SNX8: variants seen among roughly 807,000 people sequenced by gnomAD.
The protein encoded by SNX8 is sorting nexin-8.
A neutral mutation model predicts 51.6 loss-of-function variants in SNX8; 25 were observed. The ratio of observed to expected loss-of-function variants is 0.48; its 90% CI spans 0.35 to 0.68. The LOEUF (loss-of-function observed/expected upper bound fraction) is 0.68. SNX8 is among the 30% of genes least tolerant of loss of function. The pLI is 0.00. For missense variants in SNX8, 695 were observed against 624.0 expected (o/e 1.11, Z -1.21); for synonymous variants, 324 against 277.0 (o/e 1.17, Z -1.68).
At chr7:2,302,127 T>A (rs189338311) in intron 1 of SNX8, among the ~76,000 whole-genome samples, 1 of 150,924 alleles carries the variant, frequency 6.6e-6, no homozygotes, top group African/African-American at 2.5e-5. Context: ...TCTCCCTCTC[T>A]TTCCACGGTC....
At chr7:2,295,940 G>C (rs1412515891) in intron 1 of SNX8, among the ~76,000 whole-genome samples, 2 of 152,122 alleles carry the variant, frequency 1.3e-5, no homozygotes, top group Non-Finnish European at 2.9e-5. Context: ...CCATGGGTCT[G>C]TGTGCACGTT....
intron 5 of SNX8, among the ~76,000 whole-genome samples, chr7:2,267,758 T>C (rs1174158797): frequency 2.9e-5 from 4 of 140,132 alleles, no homozygotes; most frequent in South Asian, 2.5e-4. Context: ...GAGGAGTGTC[T>C]CTGCCTGGCC....
intron 1 of SNX8, among the ~76,000 whole-genome samples, chr7:2,300,482 A>G (rs4721561): frequency 0.37 from 56,662 of 151,194 alleles, 11,383 homozygotes; most frequent in East Asian, 0.6. Flanking sequence ...GCACGATCTT[A>G]GCTCACTGTA....
chr7:2,264,006 G>C, intron 6 of SNX8, among the ~76,000 whole-genome samples: 1 of 152,190 alleles, frequency 6.6e-6, no homozygotes, highest in East Asian at 1.9e-4. Flanking sequence ...GAGCCACCAC[G>C]CCTGGCCTGG....
intron 1 of SNX8, among the ~76,000 whole-genome samples, chr7:2,335,530 C>G (rs1778811120): frequency 6.6e-6 from 1 of 150,598 alleles, no homozygotes; most frequent in Non-Finnish European, 1.5e-5. Context: ...TAGCCAGGCG[C>G]GGTGGCTCAC....
intron 1 of SNX8, among the ~76,000 whole-genome samples, chr7:2,308,466 G>A (rs372207404): frequency 2.6e-5 from 4 of 151,742 alleles, no homozygotes; most frequent in Admixed American, 1.3e-4. Context: ...TCAGGAGTTC[G>A]AGACCAGCCT....
intron 5 of SNX8, among the ~76,000 whole-genome samples, chr7:2,265,387 G>C (rs1484010609): frequency 6.6e-6 from 1 of 152,126 alleles, no homozygotes; most frequent in Non-Finnish European, 1.5e-5. Flanking sequence ...ACTCACACCT[G>C]TACCCCAGCG....
chr7:2,343,968 G>A (rs1174825138), intron 1 of SNX8, among the ~76,000 whole-genome samples: 2 of 151,386 alleles, frequency 1.3e-5, no homozygotes, highest in East Asian at 3.9e-4. Context: ...GGGAGGTGGA[G>A]GTTTCAGTGA....
chr7:2,293,523 G>C (rs893630140), intron 1 of SNX8, among the ~76,000 whole-genome samples: 1 of 151,266 alleles, frequency 6.6e-6, no homozygotes, highest in Non-Finnish European at 1.5e-5. Context: ...TTAGCTGGGT[G>C]TGGTGGTGTG....
chr7:2,329,991 C>T (rs796435793), intron 1 of SNX8, among the ~76,000 whole-genome samples: 21 of 126,058 alleles, frequency 1.7e-4, no homozygotes, highest in African/African-American at 6.2e-4. Context: ...CATGCCACCA[C>T]GGCTAATTTT....
intron 7 of SNX8, among the ~76,000 whole-genome samples, chr7:2,259,925 A>G (rs868579654): frequency 1.3e-5 from 2 of 152,180 alleles, no homozygotes; most frequent in Non-Finnish European, 2.9e-5. Flanking sequence ...CATTGGAAGA[A>G]GAAGAATTGT....
chr7:2,336,870 A>G (rs1317100068), intron 1 of SNX8, among the ~76,000 whole-genome samples: 1 of 149,172 alleles, frequency 6.7e-6, no homozygotes, highest in African/African-American at 2.5e-5. Context: ...TGAGCTGGGC[A>G]TGGTGATGCA....
intron 1 of SNX8, among the ~76,000 whole-genome samples, chr7:2,287,180 G>A (rs749239197): frequency 1.1e-4 from 16 of 151,356 alleles, no homozygotes; most frequent in Admixed American, 2.0e-4. Flanking sequence ...ATAGGGTCTC[G>A]CCATGTTGCT....
intron 1 of SNX8, among the ~76,000 whole-genome samples, chr7:2,305,403 G>A (rs535119137): frequency 6.6e-6 from 1 of 152,252 alleles, no homozygotes; most frequent in East Asian, 1.9e-4. Context: ...TTGCTCTGTT[G>A]CCCAGGCTTG....
intron 1 of SNX8, among the ~76,000 whole-genome samples, chr7:2,286,968 A>G (rs927145956): frequency 4.0e-5 from 6 of 151,506 alleles, no homozygotes; most frequent in African/African-American, 1.5e-4. Context: ...GTGAAACTCC[A>G]TCTCTACTAA....
In SNX8 at chr7:2,252,371, G is replaced by A. The variant is rs992485474; in HGVS notation, c.*2685C>T. On this transcript the variant is annotated 3_prime_UTR_variant, in exon 11 of 11. Coordinates refer to ENST00000222990, the MANE Select transcript of SNX8 (RefSeq NM_013321.4). ...AGCAGTAAGCAGCCTCTCAGCCCCT[G>A]AGCCTGGGGACCTGCCCGGGCAGCA... 1 of 152,540 alleles carries A rather than the reference G, an allele frequency of 6.6e-6. No individual in the cohort carries two copies. The allele number at this position is 152,540 out of a possible 1,614,324, so 9.4% of individuals were successfully genotyped here.
At chr7:2,312,435 C>A (rs1295623854) in intron 1 of SNX8, among the ~76,000 whole-genome samples, 2 of 152,162 alleles carry the variant, frequency 1.3e-5, no homozygotes, top group Non-Finnish European at 2.9e-5. Context: ...GAAAGGGTCC[C>A]GCCTGAGACT....
At chr7:2,327,956 G>C (rs1016645045) in intron 1 of SNX8, among the ~76,000 whole-genome samples, 3 of 151,886 alleles carry the variant, frequency 2.0e-5, no homozygotes, top group Admixed American at 6.6e-5. Context: ...TTCTGGACCT[G>C]CTGGGCTCAA....
intron 5 of SNX8, among the ~76,000 whole-genome samples, 181 bp downstream of exon 5, chr7:2,269,378 G>GAAGGCC: frequency 6.6e-6 from 1 of 150,534 alleles, no homozygotes; most frequent in South Asian, 2.1e-4. Flanking sequence ...AAACACTGCG[G>GAAGGCC]AAGGCCGCAG....
Sources: allele counts gnomAD v4.1 joint callset (sites outside exome capture counted in the v4.1 genomes callset), GRCh38; gene constraint gnomAD v4.1.1; transcripts MANE v1.5; gene names NCBI Gene and HGNC (gene_info 2026-07-23, HGNC 2026-07-21).